The following SEL1L variants were observed in gnomAD, a reference collection of about 807,000 sequenced individuals.
SEL1L encodes the protein protein sel-1 homolog 1.
In SEL1L, 52 loss-of-function variants were observed where a neutral mutation model predicts 109.8. The ratio of observed to expected loss-of-function variants is 0.47; its 90% CI spans 0.38 to 0.60. SEL1L has a LOEUF of 0.60. SEL1L is among the 20% of genes least tolerant of loss of function. The pLI is 0.00. For missense variants in SEL1L, 749 were observed against 962.2 expected, an observed-to-expected ratio of 0.78 and a Z score of 2.93; for synonymous variants, 373 against 339.6, an observed-to-expected ratio of 1.10 and a Z score of -1.08.
chr14:81,487,632 A>G, intron 15 of SEL1L, 94 bp from the exon 16 acceptor site: 1 of 1,529,296 alleles, frequency 6.5e-7, no homozygotes, highest in Non-Finnish European at 8.8e-7. Flanking sequence ...ACTCTAATGA[A>G]AGAATTCTTA....
intron 3 of SEL1L, among the ~76,000 whole-genome samples, chr14:81,514,334 A>G (rs1430938328): frequency 1.3e-5 from 2 of 152,352 alleles, no homozygotes; most frequent in East Asian, 3.9e-4. Context: ...CCAACTCTGG[A>G]GATCCCTCCC....
At chr14:81,516,960 T>C (rs1208642752) in intron 3 of SEL1L, among the ~76,000 whole-genome samples, 1 of 152,230 alleles carries the variant, frequency 6.6e-6, no homozygotes, top group African/African-American at 2.4e-5. Flanking sequence ...GGCAACTATA[T>C]GTCAAATCCC....
At chr14:81,486,520 T>C in intron 16 of SEL1L, 66 bp from the exon 17 acceptor site, 1 of 1,526,574 alleles carries the variant, frequency 6.6e-7, no homozygotes, top group Middle Eastern at 2.0e-4. Flanking sequence ...GAAAATCACT[T>C]ATGCACTTTG....
chr14:81,530,960 TAC>T (rs1221193041), intron 1 of SEL1L, among the ~76,000 whole-genome samples: 3 of 152,178 alleles, frequency 2.0e-5, no homozygotes, highest in Non-Finnish European at 4.4e-5. Flanking sequence ...ATAGAAAAGC[TAC>T]AGTGAAAATA....
At chr14:81,523,447 A>G (rs920374172) in intron 3 of SEL1L, among the ~76,000 whole-genome samples, 2 of 151,824 alleles carry the variant, frequency 1.3e-5, no homozygotes, top group Non-Finnish European at 2.9e-5. Context: ...CTTCTCCCAT[A>G]CCTTGCCCTA....
At chr14:81,519,860 T>C (rs1404919942) in intron 3 of SEL1L, among the ~76,000 whole-genome samples, 1 of 152,206 alleles carries the variant, frequency 6.6e-6, no homozygotes, top group Non-Finnish European at 1.5e-5. Context: ...CCCAGGGGCA[T>C]AAACTGTTAT....
chr14:81,501,363 A>G (rs1468332878), intron 6 of SEL1L, among the ~76,000 whole-genome samples: 1 of 152,186 alleles, frequency 6.6e-6, no homozygotes, highest in African/African-American at 2.4e-5. Flanking sequence ...TAAGGTTCTA[A>G]TATTAGAGGG....
chr14:81,528,870 A>T (rs892188510), intron 1 of SEL1L, among the ~76,000 whole-genome samples: 6 of 152,162 alleles, frequency 3.9e-5, no homozygotes, highest in African/African-American at 1.4e-4. Flanking sequence ...CCTGTGTTAG[A>T]GTTTGTTATC....
chr14:81,519,618 A>G (rs1884832882), intron 3 of SEL1L, among the ~76,000 whole-genome samples: 1 of 152,236 alleles, frequency 6.6e-6, no homozygotes, highest in Non-Finnish European at 1.5e-5. Context: ...GTTTCTGAGC[A>G]GGAAGTAGTC....
Position 81,473,106 on chromosome 14 carries a change from G to T in SEL1L, c.*3866C>A, listed in dbSNP as rs1485216777. On this transcript the variant is annotated 3_prime_UTR_variant, in exon 21 of 21. Coordinates refer to ENST00000336735, the MANE Select transcript of SEL1L (RefSeq NM_005065.6). ...ACCATGGTGTTCCTTCACAATGCCA[G>T]CTTAAGGTCTTTTAAAACTTCCTCT... is the stretch of plus-strand genomic sequence containing the variant. 2.6e-5 allele frequency: 4 copies of T among 152,238 alleles called. No individual in the cohort carries two copies. The highest frequency in any genetic ancestry group is 9.7e-5 in the African/African-American group (4 of 41,442). The allele number at this position is 152,238 out of a possible 1,614,324, so 9.4% of individuals were successfully genotyped here.
At chr14:81,486,711 CTG>C (rs557273829) in intron 16 of SEL1L, among the ~76,000 whole-genome samples, 2 of 151,524 alleles carry the variant, frequency 1.3e-5, no homozygotes, top group Non-Finnish European at 2.9e-5. Context: ...TGCCCGGGCA[CTG>C]TTGTAATGAT....
rs775513522 is a variant in SEL1L at position 81,476,848 on chromosome 14, A to G, written c.*124T>C. The G allele has an allele frequency of 4.5e-6, 4 of 887,262 alleles. No homozygotes were observed. The highest frequency in any genetic ancestry group is 5.6e-5 in the Admixed American group (2 of 35,980). The allele number at this position is 887,262 out of a possible 1,614,324, so 55.0% of individuals were successfully genotyped here. On this transcript the variant is annotated 3_prime_UTR_variant, in exon 21 of 21. Transcript: ENST00000336735. ...GATTCTAAGCAGCTTTAGGAATTCA[A>G]TGCTTCCTTGTGCCGTGCCTCTTCT...
In SEL1L at chr14:81,472,893, G is replaced by A. The variant is rs967325635; in HGVS notation, c.*4079C>T. On this transcript the variant is annotated 3_prime_UTR_variant, in exon 21 of 21. Coordinates refer to ENST00000336735, the MANE Select transcript of SEL1L (RefSeq NM_005065.6). ...AAAAAGTCTGTCTGGAAAGGTGCTT[G>A]GTTGTGGTATATTACAGCATACAGG... is the stretch of plus-strand genomic sequence containing the variant. The A allele has an allele frequency of 4.3e-6, 1 of 233,032 alleles. No homozygotes were observed. Among genetic ancestry groups the A allele is most frequent in the East Asian group, 1.2e-4 (1 of 8,200 alleles). The allele number at this position is 233,032 out of a possible 1,614,324, so 14.4% of individuals were successfully genotyped here. A position where few individuals can be genotyped will look rare whatever the true frequency, so the allele number is the denominator to read the frequency against.
chr14:81,490,426 C>T lies in SEL1L; in HGVS notation c.1294G>A (p.Glu432Lys). ...EGSDIVPQSNETALHYFKKAA... is the reference protein window; with the variant it reads ...EGSDIVPQSNKTALHYFKKAA... ...TTCTTAAAGTAGTGGAGAGCTGTCT[C>T]ATTACTCTGAGGTACAATGTCACTT... The change falls in exon 13 of 21, where the codon GAG becomes AAG. Residue 432 changes from glutamate to lysine, a missense_variant. By Grantham distance (56) the Glu-to-Lys change is moderately conservative. This residue lies in a region of SEL1L where 383 missense variants were observed against 562.5 expected (regional missense o/e 0.68). Coordinates refer to ENST00000336735, the MANE Select transcript of SEL1L (RefSeq NM_005065.6). 6.2e-7 allele frequency: 1 copy of T among 1,614,060 alleles called. No individual in the cohort carries two copies. Among genetic ancestry groups the T allele is most frequent in the Non-Finnish European group, 8.5e-7 (1 of 1,179,942 alleles).
chr14:81,500,919 A>T (rs1480922000), intron 6 of SEL1L, among the ~76,000 whole-genome samples: 1 of 152,204 alleles, frequency 6.6e-6, no homozygotes, highest in Non-Finnish European at 1.5e-5. Flanking sequence ...TCTATGGATC[A>T]TCCTTGATGA....
intron 20 of SEL1L, 124 bp from the exon 21 acceptor site, chr14:81,477,305 G>GTGTGTGTGTA: frequency 1.2e-5 from 5 of 422,096 alleles, no homozygotes; most frequent in Non-Finnish European, 2.1e-5. Flanking sequence ...GTTTTGCAAT[G>GTGTGTGTGTA]TGTGTGTGTG....
intron 10 of SEL1L, among the ~76,000 whole-genome samples, chr14:81,495,962 A>G (rs1404092871): frequency 6.6e-6 from 1 of 152,068 alleles, no homozygotes; most frequent in Non-Finnish European, 1.5e-5. Flanking sequence ...AATAAACAAA[A>G]CAAAAAACAA....
At chr14:81,496,422 C>A (rs940422802) in intron 10 of SEL1L, among the ~76,000 whole-genome samples, 1 of 152,088 alleles carries the variant, frequency 6.6e-6, no homozygotes, top group Admixed American at 6.5e-5. Context: ...AGGAAACTTA[C>A]TAGAAGCTGG....
chr14:81,524,964 T>C (rs927570035), intron 3 of SEL1L, among the ~76,000 whole-genome samples: 3 of 152,060 alleles, frequency 2.0e-5, no homozygotes, highest in African/African-American at 4.8e-5. Flanking sequence ...AACAAATAAA[T>C]TGTAAACAGA....
Sources: gnomAD v4.1 joint callset for allele counts (sites outside exome capture counted in the v4.1 genomes callset) on GRCh38, gnomAD v4.1.1 for gene constraint, gnomAD v4.1.1 regional missense constraint, MANE v1.5 for transcripts, NCBI Gene and HGNC (gene_info 2026-07-23, HGNC 2026-07-21) for gene names.